KLHL10: variants seen among roughly 807,000 people sequenced by gnomAD.
KLHL10 encodes the protein kelch like family member 10.
KLHL10 carries 11 observed loss-of-function variants against 46.6 expected under a neutral mutation model. The observed-to-expected ratio is 0.24, with a 90% CI of 0.15 to 0.39. The LOEUF is 0.39. KLHL10 is among the 10% of genes least tolerant of loss of function. The pLI, the probability that KLHL10 is intolerant of heterozygous loss-of-function variation, is 1.00. For synonymous variants in KLHL10, 254 were observed against 279.1 expected (o/e 0.91, Z 0.90); for missense variants, 475 against 789.8 (o/e 0.60, Z 4.78).
intron 1 of KLHL10, among the ~76,000 whole-genome samples, chr17:41,839,896 T>TG (rs1182566972): frequency 6.6e-6 from 1 of 151,358 alleles, no homozygotes; most frequent in Non-Finnish European, 1.5e-5. Context: ...TTTTTTTTTT[T>TG]GAAATGGAGT....
chr17:41,838,333 C>T (rs1220753018), intron 1 of KLHL10, among the ~76,000 whole-genome samples: 8 of 152,046 alleles, frequency 5.3e-5, no homozygotes, highest in African/African-American at 1.9e-4. Flanking sequence ...GCAATCATAG[C>T]TCACTGCAGC....
At position 41,845,460 on chromosome 17, in the gene KLHL10, A is replaced by G. The variant is rs1567869925; in HGVS notation, c.1019A>G (p.Tyr340Cys). Residue 340 changes from tyrosine to cysteine, a missense_variant, in exon 3 of 5, where the codon TAT becomes TGT. Transcript: ENST00000293303. ...AYHGAAYLKG[Y>C]VYIIGGFDSV... ...CATGGGGCAGCCTATTTGAAAGGCTATGTGTATATCATTGGGGGGTTTGAT... is the reference window on the plus strand; with the variant it reads ...CATGGGGCAGCCTATTTGAAAGGCTGTGTGTATATCATTGGGGGGTTTGAT... 6.2e-7 allele frequency: 1 copy of G among 1,614,208 alleles called. No individual in the cohort carries two copies. Among genetic ancestry groups the G allele is most frequent in the Non-Finnish European group, 8.5e-7 (1 of 1,180,038 alleles).
intron 2 of KLHL10, 39 bp from the exon 3 acceptor site, chr17:41,845,087 C>A: frequency 6.2e-7 from 1 of 1,613,990 alleles, no homozygotes; most frequent in South Asian, 1.1e-5. Flanking sequence ...TCCTGGCACT[C>A]TCACGTCACC....
chr17:41,845,597 A>T lies in KLHL10; in HGVS notation c.1156A>T (p.Asn386Tyr). ...CTATGTCAGTGTGACAGTCCTCGGC[A>T]ATTTTATTTATGCCATGGGAGGATT... ...RCYVSVTVLG[N>Y]FIYAMGGFDG... The change falls in exon 3 of 5, where the codon AAT (asparagine) becomes TAT (tyrosine). Residue 386 changes from asparagine (N) to tyrosine (Y), a missense_variant. Physicochemically the swap from Asn to Tyr is moderately radical, Grantham distance 143 (BLOSUM62 -2). Coordinates refer to ENST00000293303, the MANE Select transcript of KLHL10 (RefSeq NM_152467.5). The T allele has an allele frequency of 3.7e-6, 6 of 1,614,112 alleles. No individual in the cohort carries two copies. The highest frequency in any genetic ancestry group is 4.2e-6 in the Non-Finnish European group (5 of 1,179,964).
At position 41,842,235 on chromosome 17, in the gene KLHL10, G is replaced by A. The variant is rs199599875; in HGVS notation, c.607G>A (p.Val203Ile). ...DELNVKQEDA[V>I]FEAILKWISH... ...GCTCAATGTCAAACAGGAAGATGCT[G>A]TATTTGAGGCCATTTTAAAGTGGAT... is the stretch of plus-strand genomic sequence containing the variant. The change falls in exon 2 of 5, where the codon GTA becomes ATA. Residue 203 changes from valine to isoleucine, a missense_variant. Coordinates refer to ENST00000293303, the MANE Select transcript of KLHL10 (RefSeq NM_152467.5). The A allele has an allele frequency of 8.4e-5, 136 of 1,614,144 alleles. 1 individual carries two copies. The East Asian group carries it at 2.7e-3, about 32-fold the overall frequency.
intron 4 of KLHL10, 100 bp downstream of exon 4, chr17:41,847,510 C>CA: frequency 8.6e-7 from 1 of 1,159,518 alleles, no homozygotes; most frequent in Non-Finnish European, 1.2e-6. Flanking sequence ...ATTTGAAAAG[C>CA]TTTTTTTTTT....
chr17:41,836,092 C>A, upstream of KLHL10: 1 of 1,342,902 alleles, frequency 7.4e-7, no homozygotes, highest in Non-Finnish European at 9.6e-7. Context: ...GGTGAAGCGG[C>A]GGTGCCTCGG....
At chr17:41,841,314 CATTTT>C (rs2048223985) in intron 1 of KLHL10, among the ~76,000 whole-genome samples, 1 of 151,748 alleles carries the variant, frequency 6.6e-6, no homozygotes, top group South Asian at 2.1e-4. Context: ...AGTGAGTGGC[CATTTT>C]ATTTTTATTT....
At chr17:41,837,269 A>G (rs1192216811), upstream of KLHL10, among the ~76,000 whole-genome samples, 4 of 152,166 alleles carry the variant, frequency 2.6e-5, no homozygotes, top group African/African-American at 9.7e-5. Flanking sequence ...GGTTGAAGCG[A>G]TTCTCCTGCC....
chr17:41,837,284 C>T (rs143252279), upstream of KLHL10, among the ~76,000 whole-genome samples: 2,889 of 152,328 alleles, frequency 0.019, 44 homozygotes, highest in Middle Eastern at 0.034. Flanking sequence ...CCTGCCTCAG[C>T]CTCCCAAGTA....
chr17:41,842,285 G>A lies in KLHL10; in HGVS notation c.657G>A (p.Lys219=), dbSNP rs782247845. The A allele has an allele frequency of 6.2e-7, 1 of 1,614,070 alleles. No individual in the cohort carries two copies. The change falls in exon 2 of 5, where the codon AAG becomes AAA. Residue 219 remains lysine, a synonymous_variant. Coordinates refer to ENST00000293303, the MANE Select transcript of KLHL10 (RefSeq NM_152467.5). ...KWISHDPQNR[K]QHISILLPKV... ...TTTCTCATGACCCCCAAAATAGAAA[G>A]CAGCACATTTCAATTTTGCTTCCTA... is the stretch of plus-strand genomic sequence containing the variant.
In KLHL10 at chr17:41,842,283, AAGC is replaced by A; in HGVS notation, c.660_662del (p.Gln220del). 6.2e-7 allele frequency: 1 copy of A among 1,614,088 alleles called. No homozygotes were observed. Among genetic ancestry groups the A allele is most frequent in the Non-Finnish European group, 8.5e-7 (1 of 1,180,040 alleles). ...GATTTCTCATGACCCCCAAAATAGA[AAGC>A]AGCACATTTCAATTTTGCTTCCTAA... is the stretch of plus-strand genomic sequence containing the variant. On this transcript the variant is annotated inframe_deletion, in exon 2 of 5. Coordinates refer to ENST00000293303, the MANE Select transcript of KLHL10 (RefSeq NM_152467.5).
At chr17:41,835,837 C>A, upstream of KLHL10, 1 of 1,587,550 alleles carries the variant, frequency 6.3e-7, no homozygotes, top group Non-Finnish European at 8.6e-7. Context: ...GCCCGGCCGG[C>A]CCCCGCACGC....
At chr17:41,838,345 T>A (rs2048190947) in intron 1 of KLHL10, among the ~76,000 whole-genome samples, 1 of 152,072 alleles carries the variant, frequency 6.6e-6, no homozygotes, top group African/African-American at 2.4e-5. Context: ...CACTGCAGCC[T>A]TCAACTGCTG....
At chr17:41,840,578 A>G (rs1200114019) in intron 1 of KLHL10, among the ~76,000 whole-genome samples, 1 of 148,430 alleles carries the variant, frequency 6.7e-6, no homozygotes, top group Admixed American at 6.8e-5. Flanking sequence ...TGGGAGGCAG[A>G]GGTTGCACTG....
intron 1 of KLHL10, among the ~76,000 whole-genome samples, chr17:41,838,633 C>CTTTTTTTTTTTT: frequency 7.2e-6 from 1 of 138,688 alleles, no homozygotes. Context: ...TTTTTTCTCT[C>CTTTTTTTTTTTT]TTTTTTTTTT....
At chr17:41,847,775 G>A (rs2144142943) in intron 4 of KLHL10, among the ~76,000 whole-genome samples, 158 bp from the exon 5 acceptor site, 1 of 152,350 alleles carries the variant, frequency 6.6e-6, no homozygotes, top group South Asian at 2.1e-4. Context: ...AGAGTGCTGG[G>A]ATTACAGGCG....
chr17:41,842,052 A>G lies in KLHL10; in HGVS notation c.424A>G (p.Ile142Val). 1 of 1,614,168 alleles carries G rather than the reference A, an allele frequency of 6.2e-7. No individual in the cohort carries two copies. Among genetic ancestry groups the G allele is most frequent in the Non-Finnish European group, 8.5e-7 (1 of 1,180,046 alleles). The change falls in exon 2 of 5, where the codon ATC becomes GTC. Residue 142 changes from isoleucine to valine, a missense_variant. Coordinates refer to ENST00000293303, the MANE Select transcript of KLHL10 (RefSeq NM_152467.5). ...GTCAGAGCTGTGCTTGGATAATTGT[A>G]TCGGCATCTGTAAGTTCACGGACTA... Reference protein sequence around the residue: ...LKSELCLDNCIGICKFTDYYY... With the variant: ...LKSELCLDNCVGICKFTDYYY...
chr17:41,841,503 C>T (rs1013351441), intron 1 of KLHL10, among the ~76,000 whole-genome samples: 5 of 152,178 alleles, frequency 3.3e-5, no homozygotes, highest in Middle Eastern at 3.4e-3. Flanking sequence ...TTAGTAGAGA[C>T]GGGGTTTCAC....
Sources: allele counts gnomAD v4.1 joint callset (sites outside exome capture counted in the v4.1 genomes callset), GRCh38; gene constraint gnomAD v4.1.1; transcripts MANE v1.5; gene names NCBI Gene and HGNC (gene_info 2026-07-23, HGNC 2026-07-21).